The following HIRA variants were observed in gnomAD, a reference collection of about 807,000 sequenced individuals.
The protein encoded by HIRA is protein HIRA.
HIRA carries 13 observed loss-of-function variants against 126.6 expected under a neutral mutation model. That is an observed-to-expected ratio of 0.10 (90% CI 0.07 to 0.16). The LOEUF is 0.16. Ranked by LOEUF, HIRA falls within the 10% of genes least tolerant of loss-of-function variation. The pLI is 1.00. For missense variants in HIRA, 834 were observed against 1,314.4 expected, an observed-to-expected ratio of 0.63 and a Z score of 5.65; for synonymous variants, 511 against 520.0, an observed-to-expected ratio of 0.98 and a Z score of 0.24.
intron 1 of HIRA, among the ~76,000 whole-genome samples, chr22:19,425,392 C>T (rs905997513): frequency 5.3e-5 from 8 of 152,114 alleles, no homozygotes; most frequent in African/African-American, 1.7e-4. Flanking sequence ...GCAAACACCC[C>T]GGATGAACAG....
intron 15 of HIRA, among the ~76,000 whole-genome samples, chr22:19,365,561 T>G (rs780338021): frequency 1.3e-5 from 2 of 152,214 alleles, no homozygotes; most frequent in Non-Finnish European, 2.9e-5. Flanking sequence ...TACTGAATAT[T>G]TGAAGCCCAA....
intron 5 of HIRA, among the ~76,000 whole-genome samples, chr22:19,403,013 G>C (rs2089281357): frequency 6.6e-6 from 1 of 151,282 alleles, no homozygotes; most frequent in African/African-American, 2.4e-5. Flanking sequence ...TGAGGCAAGA[G>C]GATCACCTGA....
chr22:19,385,018 T>C (rs1351233118), intron 12 of HIRA, among the ~76,000 whole-genome samples: 2 of 152,128 alleles, frequency 1.3e-5, no homozygotes, highest in Non-Finnish European at 2.9e-5. Context: ...AGCTTGTAAC[T>C]AGGGGTTTTC....
At chr22:19,402,893 C>T (rs542245593) in intron 5 of HIRA, among the ~76,000 whole-genome samples, 1 of 151,830 alleles carries the variant, frequency 6.6e-6, no homozygotes, top group East Asian at 1.9e-4. Context: ...ATCGCTTGAG[C>T]CCAAGAGTTC....
In HIRA at chr22:19,383,671, G is replaced by A. The variant is rs749126001; in HGVS notation, c.1364C>T (p.Ala455Val). Residue 455 changes from alanine to valine, a missense_variant, in exon 13 of 25, where the codon GCA (alanine) becomes GTA (valine). Coordinates refer to ENST00000263208, the MANE Select transcript of HIRA (RefSeq NM_003325.4). ...LLKKQVETRT[A>V]DGRRRITPLC... ...AGGCGTGATTCTTCTCCGGCCATCT[G>A]CTGTCCGAGTCTCAACTTGTTTCTT... The A allele has an allele frequency of 1.9e-6, 3 of 1,614,036 alleles. No homozygotes were observed. Among genetic ancestry groups the A allele is most frequent in the Non-Finnish European group, 2.5e-6 (3 of 1,179,980 alleles).
intron 24 of HIRA, among the ~76,000 whole-genome samples, chr22:19,338,610 AG>A (rs531213574): frequency 1.3e-5 from 2 of 152,352 alleles, no homozygotes; most frequent in African/African-American, 4.8e-5. Flanking sequence ...TTGAGGGTAA[AG>A]GGGTGAAAAA....
At chr22:19,384,298 T>C (rs1034598444) in intron 12 of HIRA, among the ~76,000 whole-genome samples, 2 of 118,436 alleles carry the variant, frequency 1.7e-5, no homozygotes, top group Middle Eastern at 7.4e-3. Context: ...CACTCCAGCC[T>C]GGTGACAGAG....
At chr22:19,418,614 C>T (rs2089418874) in intron 1 of HIRA, among the ~76,000 whole-genome samples, 4 of 151,160 alleles carry the variant, frequency 2.6e-5, no homozygotes, top group Admixed American at 2.0e-4. Context: ...GGCAACAGAG[C>T]GAGACTCTGT....
At chr22:19,348,807 AT>A (rs1404594649) in intron 24 of HIRA, among the ~76,000 whole-genome samples, 2 of 147,816 alleles carry the variant, frequency 1.4e-5, no homozygotes, top group African/African-American at 5.1e-5. Flanking sequence ...TTTATTTTTT[AT>A]TTTTTGAGAT....
intron 24 of HIRA, among the ~76,000 whole-genome samples, chr22:19,337,991 C>T (rs782392314): frequency 3.9e-5 from 6 of 152,188 alleles, no homozygotes; most frequent in Admixed American, 2.0e-4. Context: ...GGGGTTTCAC[C>T]GTGTTGGCCA....
At chr22:19,332,887 A>G (rs2088508867) in intron 24 of HIRA, among the ~76,000 whole-genome samples, 3 of 152,112 alleles carry the variant, frequency 2.0e-5, no homozygotes, top group Admixed American at 2.0e-4. Flanking sequence ...GATTTAATAG[A>G]GAAGATTTAG....
intron 20 of HIRA, 82 bp downstream of exon 20, chr22:19,356,148 C>T (rs1189859518): frequency 3.4e-5 from 45 of 1,322,430 alleles, no homozygotes; most frequent in Non-Finnish European, 4.9e-5. Context: ...CAGAGCCTGG[C>T]TCTCTGAGCG....
chr22:19,361,558 C>T (rs2088864201), intron 16 of HIRA, among the ~76,000 whole-genome samples, 169 bp downstream of exon 16: 1 of 152,236 alleles, frequency 6.6e-6, no homozygotes, highest in African/African-American at 2.4e-5. Flanking sequence ...GTCAAGGGCA[C>T]ATCTGAGGGA....
chr22:19,384,130 C>T (rs549596841), intron 12 of HIRA, among the ~76,000 whole-genome samples: 5 of 151,866 alleles, frequency 3.3e-5, no homozygotes, highest in Non-Finnish European at 5.9e-5. Flanking sequence ...CCATTCTGGC[C>T]AACATGGTGA....
chr22:19,415,961 G>T (rs894803728), intron 1 of HIRA, among the ~76,000 whole-genome samples: 5 of 152,144 alleles, frequency 3.3e-5, no homozygotes, highest in Admixed American at 6.6e-5. Flanking sequence ...GTACAAAGTT[G>T]AGGATCTCGC....
chr22:19,409,170 T>C (rs1357776147), intron 2 of HIRA, among the ~76,000 whole-genome samples: 1 of 152,170 alleles, frequency 6.6e-6, no homozygotes, highest in African/African-American at 2.4e-5. Context: ...ATCCACCCTT[T>C]GCAGTTACCT....
chr22:19,397,880 G>T, intron 6 of HIRA, 112 bp downstream of exon 6: 1 of 660,246 alleles, frequency 1.5e-6, no homozygotes, highest in Non-Finnish European at 2.7e-6. Context: ...ATAAATCCTA[G>T]GCCACTGTGA....
At chr22:19,381,217 C>G (rs55702008) in intron 13 of HIRA, among the ~76,000 whole-genome samples, 7,129 of 152,254 alleles carry the variant, frequency 0.047, 558 homozygotes, top group African/African-American at 0.16. Context: ...TACCTGACTT[C>G]ATGTTGATTG....
chr22:19,401,865 C>A (rs1162240366), intron 5 of HIRA, among the ~76,000 whole-genome samples: 3 of 152,190 alleles, frequency 2.0e-5, no homozygotes, highest in Non-Finnish European at 4.4e-5. Context: ...ACTGCTGCCA[C>A]AGGTCTCAAC....
Sources: gnomAD v4.1 joint callset for allele counts (sites outside exome capture counted in the v4.1 genomes callset) on GRCh38, gnomAD v4.1.1 for gene constraint, MANE v1.5 for transcripts, NCBI Gene and HGNC (gene_info 2026-07-23, HGNC 2026-07-21) for gene names.